The following MYO10 variants were observed in gnomAD, a reference collection of about 807,000 sequenced individuals.
MYO10 encodes the protein myosin X, also known as unconventional myosin-X.
MYO10 carries 133 observed loss-of-function variants against 257.3 expected under a neutral mutation model. That is an observed-to-expected ratio of 0.52 (90% CI 0.45 to 0.60). The LOEUF (loss-of-function observed/expected upper bound fraction) is 0.60. Among genes scored for constraint, MYO10 ranks in the 20% least tolerant of loss-of-function variants. The pLI is 0.00. For synonymous variants in MYO10, 1,104 were observed against 1,028.6 expected (o/e 1.07, Z -1.40); for missense variants, 2,399 against 2,635.7 (o/e 0.91, Z 1.97).
At chr5:16,740,001 CAAGG>C (rs1171257870) in intron 19 of MYO10, among the ~76,000 whole-genome samples, 1 of 152,052 alleles carries the variant, frequency 6.6e-6, no homozygotes, top group Non-Finnish European at 1.5e-5. Context: ...GAGAAAAAAA[CAAGG>C]AAAGTACCCC....
At chr5:16,881,804 G>A (rs781172121) in intron 1 of MYO10, among the ~76,000 whole-genome samples, 19 of 152,122 alleles carry the variant, frequency 1.2e-4, no homozygotes, top group Non-Finnish European at 7.3e-5. Flanking sequence ...CAAAGTCACA[G>A]GCAGACATTT....
chr5:16,824,004 A>C (rs949987616), intron 2 of MYO10, among the ~76,000 whole-genome samples: 5 of 152,158 alleles, frequency 3.3e-5, no homozygotes, highest in Non-Finnish European at 7.3e-5. Flanking sequence ...GTTCTGTTCT[A>C]GAAGTACAAA....
At chr5:16,912,209 T>C (rs937236548) in intron 1 of MYO10, among the ~76,000 whole-genome samples, 2 of 152,146 alleles carry the variant, frequency 1.3e-5, no homozygotes, top group Non-Finnish European at 2.9e-5. Context: ...CACAGCCAAG[T>C]TTTGTTCGGC....
At chr5:16,763,971 C>T (rs1740795087) in intron 12 of MYO10, among the ~76,000 whole-genome samples, 1 of 151,896 alleles carries the variant, frequency 6.6e-6, no homozygotes, top group South Asian at 2.1e-4. Context: ...ATGGTGCAAC[C>T]CCGTCTCTAT....
At chr5:16,750,165 A>G (rs1297440538) in intron 19 of MYO10, among the ~76,000 whole-genome samples, 1 of 152,190 alleles carries the variant, frequency 6.6e-6, no homozygotes, top group Non-Finnish European at 1.5e-5. Flanking sequence ...ATCCAAGGAC[A>G]AGGCCCACTG....
At chr5:16,818,870 C>T (rs1448870377) in intron 2 of MYO10, among the ~76,000 whole-genome samples, 2 of 152,188 alleles carry the variant, frequency 1.3e-5, no homozygotes, top group African/African-American at 2.4e-5. Context: ...CACTTCTCTG[C>T]ATTATTTCTC....
chr5:16,739,339 G>GT (rs1341006917), intron 19 of MYO10, among the ~76,000 whole-genome samples: 1 of 151,394 alleles, frequency 6.6e-6, no homozygotes, highest in East Asian at 1.9e-4. Context: ...TCTTGTTTCT[G>GT]TTTTTTACTC....
At chr5:16,768,309 A>C (rs10062159) in intron 10 of MYO10, among the ~76,000 whole-genome samples, 2,588 of 152,300 alleles carry the variant, frequency 0.017, 65 homozygotes, top group African/African-American at 0.059. Context: ...TACAGGTGAG[A>C]AGTCATGAGT....
In MYO10 at chr5:16,751,751, G is replaced by A. The variant is rs560752778; in HGVS notation, c.1929+3077C>T. 1.1e-3 allele frequency among the ~76,000 whole-genome samples: 167 copies of A among 151,608 alleles called. 2 individuals are homozygous for A. The highest frequency in any genetic ancestry group is 3.7e-3 in the African/African-American group (153 of 41,310). Reference sequence around the variant, plus strand: ...CTCCCAAAGTGCTGGGATTACAGGCGTGAGCCACCGCCCCCACCGCTCCCA... The same window carrying A: ...CTCCCAAAGTGCTGGGATTACAGGCATGAGCCACCGCCCCCACCGCTCCCA... On this transcript the variant is annotated intron_variant, in intron 19 of 40. Coordinates refer to ENST00000513610, the MANE Select transcript of MYO10 (RefSeq NM_012334.3).
intron 2 of MYO10, among the ~76,000 whole-genome samples, chr5:16,844,427 T>C (rs1743571350): frequency 6.6e-6 from 1 of 152,034 alleles, no homozygotes; most frequent in Admixed American, 6.6e-5. Flanking sequence ...TTTTTTTTAG[T>C]GTCACAAAGT....
chr5:16,835,203 A>C (rs1743275157), intron 2 of MYO10, among the ~76,000 whole-genome samples: 1 of 152,154 alleles, frequency 6.6e-6, no homozygotes, highest in South Asian at 2.1e-4. Flanking sequence ...GGAAGAATTT[A>C]GAGATAACAC....
chr5:16,821,438 ATTTTCTTTTTTTT>A (rs1742808022), intron 2 of MYO10, among the ~76,000 whole-genome samples: 1 of 73,240 alleles, frequency 1.4e-5, no homozygotes, highest in African/African-American at 7.0e-5. Context: ...CTTTCCTCCT[ATTTTCTTTTTTTT>A]TTTTTTTTTT....
chr5:16,786,986 T>C (rs1327909103), intron 4 of MYO10, among the ~76,000 whole-genome samples: 1 of 152,116 alleles, frequency 6.6e-6, no homozygotes, highest in East Asian at 1.9e-4. Flanking sequence ...CTGGCGAACA[T>C]GGTGAAACCC....
intron 3 of MYO10, among the ~76,000 whole-genome samples, chr5:16,800,878 C>G (rs576033966): frequency 6.6e-4 from 100 of 152,118 alleles, no homozygotes; most frequent in African/African-American, 2.3e-3. Flanking sequence ...CAGAAGATAC[C>G]AAGCCAGGCT....
intron 19 of MYO10, among the ~76,000 whole-genome samples, chr5:16,749,901 G>C (rs1208401577): frequency 1.3e-5 from 2 of 152,200 alleles, no homozygotes; most frequent in Non-Finnish European, 1.5e-5. Context: ...ATGTTAATGA[G>C]AGACTTTTCT....
intron 2 of MYO10, among the ~76,000 whole-genome samples, chr5:16,873,828 G>A (rs1744514813): frequency 6.6e-6 from 1 of 152,276 alleles, no homozygotes; most frequent in Non-Finnish European, 1.5e-5. Context: ...GGGAGACAGG[G>A]CACCAAGTCC....
intron 2 of MYO10, among the ~76,000 whole-genome samples, chr5:16,864,215 T>C (rs79206112): frequency 0.05 from 7,515 of 151,428 alleles, 267 homozygotes; most frequent in South Asian, 0.17. Context: ...GAAAATGCCA[T>C]ATGATCACAG....
At chr5:16,839,332 G>C (rs1043317768) in intron 2 of MYO10, among the ~76,000 whole-genome samples, 19 of 152,194 alleles carry the variant, frequency 1.2e-4, no homozygotes, top group African/African-American at 3.6e-4. Flanking sequence ...GTATGACATT[G>C]AGGGGTTCAA....
intron 4 of MYO10, 64 bp downstream of exon 4, chr5:16,794,582 G>C (rs1741873017): frequency 6.8e-7 from 1 of 1,462,402 alleles, no homozygotes; most frequent in Non-Finnish European, 9.2e-7. Flanking sequence ...GGAGGCTGGG[G>C]TTGGGGGTGC....
Sources: gnomAD v4.1 joint callset for allele counts (sites outside exome capture counted in the v4.1 genomes callset) on GRCh38, gnomAD v4.1.1 for gene constraint, MANE v1.5 for transcripts, NCBI Gene and HGNC (gene_info 2026-07-23, HGNC 2026-07-21) for gene names.